The following KLHL14 variants were observed in gnomAD, a reference collection of about 807,000 sequenced individuals.
The protein encoded by KLHL14 is kelch like family member 14, also known as kelch-like protein 14.
Under a neutral mutation model 64.3 loss-of-function variants are expected in KLHL14, and 22 were observed. The ratio of observed to expected loss-of-function variants is 0.34; its 90% CI spans 0.24 to 0.49. KLHL14 has a LOEUF of 0.49. Ranked by LOEUF, KLHL14 falls within the 20% of genes least tolerant of loss-of-function variation. The pLI, the probability that KLHL14 is intolerant of heterozygous loss-of-function variation, is 0.99. For missense variants in KLHL14, 661 were observed against 789.0 expected (o/e 0.84, Z 1.94); for synonymous variants, 322 against 333.4 (o/e 0.97, Z 0.37).
intron 3 of KLHL14, among the ~76,000 whole-genome samples, chr18:32,741,204 C>T (rs2050195291): frequency 6.6e-6 from 1 of 152,156 alleles, no homozygotes; most frequent in South Asian, 2.1e-4. Flanking sequence ...GACTGGTGCA[C>T]ACAGCCTGCT....
chr18:32,770,479 G>A lies in KLHL14; in HGVS notation c.113C>T (p.Thr38Met), dbSNP rs1220621644. ...RKQLFCDVTL[T>M]AQGQQFHCHK... ...GCAATGGAACTGCTGGCCCTGGGCC[G>A]TCAGGGTCACGTCGCAAAACAGCTG... Residue 38 changes from threonine (T) to methionine (M), a missense_variant, in exon 2 of 9, where the codon ACG (threonine) becomes ATG (methionine). Coordinates refer to ENST00000359358, the MANE Select transcript of KLHL14 (RefSeq NM_020805.3). This position sits in a 1 kb window ranked among gnomAD's most constrained non-coding sequence, Gnocchi z 6.7. 1.9e-6 allele frequency: 3 copies of A among 1,612,266 alleles called. No homozygotes were observed. Among genetic ancestry groups the A allele is most frequent in the Non-Finnish European group, 1.7e-6 (2 of 1,179,896 alleles).
Position 32,674,331 on chromosome 18 carries a change from T to A in KLHL14, c.*326A>T. The A allele has an allele frequency of 4.2e-6, 1 of 238,740 alleles. No homozygotes were observed. The highest frequency in any genetic ancestry group is 8.3e-6 in the Non-Finnish European group (1 of 120,794). The allele number at this position is 238,740 out of a possible 1,614,324, so 14.8% of individuals were successfully genotyped here. On this transcript the variant is annotated 3_prime_UTR_variant, in exon 9 of 9. Transcript: ENST00000359358. ...CAATGCACAATACTGATCTGAGGTCTCTCTGGGGCCAGTCTTCTGTATTTT... is the reference window on the plus strand; with the variant it reads ...CAATGCACAATACTGATCTGAGGTCACTCTGGGGCCAGTCTTCTGTATTTT...
intron 4 of KLHL14, among the ~76,000 whole-genome samples, chr18:32,687,744 G>A (rs1449146269): frequency 6.6e-6 from 1 of 152,044 alleles, no homozygotes; most frequent in Non-Finnish European, 1.5e-5. Context: ...GAAGTTTTAG[G>A]TTCACAGCCA....
chr18:32,770,532 C>A lies in KLHL14; in HGVS notation c.60G>T (p.Leu20=). The change falls in exon 2 of 9, where the codon CTG becomes CTT. Residue 20 remains leucine, a synonymous_variant. Coordinates refer to ENST00000359358, the MANE Select transcript of KLHL14 (RefSeq NM_020805.3). The surrounding 1 kb of genome is among the most constrained non-coding windows in gnomAD (Gnocchi z 6.7). ...TCCTCCACAGCAGGTTGAGGCCGTG[C>A]AGCAGGTTGTCGCTGTGGCTGGGGT... The part of the protein sequence containing the change: ...TFDPSHSDNL[L]HGLNLLWRKQ... 1.2e-6 allele frequency: 2 copies of A among 1,607,196 alleles called. No homozygotes were observed. The highest frequency in any genetic ancestry group is 1.7e-6 in the Non-Finnish European group (2 of 1,178,966).
chr18:32,742,164 T>G, intron 2 of KLHL14, 115 bp from the exon 3 acceptor site: 1 of 1,264,692 alleles, frequency 7.9e-7, no homozygotes, highest in Non-Finnish European at 1.1e-6. Context: ...CTGTTTCATT[T>G]TTTCCTGTTT....
chr18:32,753,772 C>T (rs1170637708), intron 2 of KLHL14, among the ~76,000 whole-genome samples: 1 of 152,352 alleles, frequency 6.6e-6, no homozygotes, highest in Non-Finnish European at 1.5e-5. Context: ...TGCATTTCCC[C>T]CTCCTTCTCC....
rs545105353 is a variant in KLHL14 at position 32,692,234 on chromosome 18, ATATAAT to A, written c.1159+3223_1159+3228del. 2.2e-4 allele frequency among the ~76,000 whole-genome samples: 34 copies of A among 152,306 alleles called. No homozygotes were observed. The South Asian group carries it at 4.4e-3, about 19-fold the overall frequency. On this transcript the variant is annotated intron_variant, in intron 4 of 8. Transcript: ENST00000359358. ...GTGGTCATCAATAGATCATCAATAG[ATATAAT>A]TATATTTATTTCAATGAGTACATGT...
At position 32,674,567 on chromosome 18, in the gene KLHL14, C is replaced by G. The variant is rs1391632334; in HGVS notation, c.*90G>C. On this transcript the variant is annotated 3_prime_UTR_variant, in exon 9 of 9. Transcript: ENST00000359358. ...CAAGGGTGGGTTTTGGCAGTTGTAC[C>G]ATTAGAATGCATTGTTCCTATTATA... 4.3e-6 allele frequency: 3 copies of G among 697,134 alleles called. No homozygotes were observed. The highest frequency in any genetic ancestry group is 8.0e-6 in the Non-Finnish European group (3 of 375,512). 43.2% of individuals were successfully genotyped at this position (697,134 alleles called of 1,614,324 possible). A position where few individuals can be genotyped will look rare whatever the true frequency, so the allele number is the denominator to read the frequency against.
intron 2 of KLHL14, among the ~76,000 whole-genome samples, chr18:32,765,805 T>C (rs2050339828): frequency 6.6e-6 from 1 of 152,160 alleles, no homozygotes; most frequent in African/African-American, 2.4e-5. Context: ...AGATAATTAG[T>C]ACCCTTGATG....
rs77567650 is a variant in KLHL14, at chr18:32,682,806, A to T, written c.1239-2207T>A. 6.6e-3 allele frequency among the ~76,000 whole-genome samples: 1,006 copies of T among 152,316 alleles called. 5 individuals are homozygous for T. Among genetic ancestry groups the T allele is most frequent in the Non-Finnish European group, 0.011 (766 of 68,020 alleles). On this transcript the variant is annotated intron_variant, in intron 5 of 8. Transcript: ENST00000359358. The stretch of plus-strand genomic sequence containing the variant: ...AAAAGACTGACACATATCTACAAAA[A>T]TCCATCCTAAAGTAAAACATATTTT...
At chr18:32,742,889 A>G (rs1033361833) in intron 2 of KLHL14, 2 of 152,340 alleles carry the variant, frequency 1.3e-5, no homozygotes, top group African/African-American at 2.4e-5. Flanking sequence ...CCACCCATCA[A>G]GAGCTGGCAA....
At chr18:32,758,960 T>C (rs1401150147) in intron 2 of KLHL14, among the ~76,000 whole-genome samples, 1 of 152,160 alleles carries the variant, frequency 6.6e-6, no homozygotes, top group African/African-American at 2.4e-5. Flanking sequence ...GGTGAGGGAA[T>C]GATTGGTGAT....
intron 2 of KLHL14, among the ~76,000 whole-genome samples, chr18:32,757,041 C>T (rs971523133): frequency 1.3e-5 from 2 of 152,190 alleles, no homozygotes; most frequent in African/African-American, 2.4e-5. Flanking sequence ...GTCATAGTGG[C>T]TCAGTCTTCT....
Position 32,770,037 on chromosome 18 carries a change from G to A in KLHL14, c.555C>T (p.Asn185=). The A allele has an allele frequency of 6.2e-7, 1 of 1,614,230 alleles. No individual in the cohort carries two copies. ...CGGCGATCTTGCACACCTGCTTGTA[G>A]TTCTGCACCGAGATCTGGTCGTTGA... ...QFLNDQISVQ[N]YKQVCKIAAL... The change falls in exon 2 of 9, where the codon AAC becomes AAT. Residue 185 remains asparagine (N), a synonymous_variant. Coordinates refer to ENST00000359358, the MANE Select transcript of KLHL14 (RefSeq NM_020805.3). This position sits in a 1 kb window ranked among gnomAD's most constrained non-coding sequence, Gnocchi z 6.7.
chr18:32,719,777 G>A (rs1234171685), intron 3 of KLHL14, among the ~76,000 whole-genome samples: 1 of 152,206 alleles, frequency 6.6e-6, no homozygotes, highest in African/African-American at 2.4e-5. Flanking sequence ...GTACTTATGG[G>A]CAGGGAGCTG....
At chr18:32,756,806 G>T (rs1201947430) in intron 2 of KLHL14, among the ~76,000 whole-genome samples, 2 of 152,154 alleles carry the variant, frequency 1.3e-5, no homozygotes, top group African/African-American at 4.8e-5. Context: ...TGACTGTCTA[G>T]AATTAGATAC....
At chr18:32,740,801 C>T (rs2050192515) in intron 3 of KLHL14, 5 of 152,124 alleles carry the variant, frequency 3.3e-5, no homozygotes, top group Admixed American at 3.3e-4. Context: ...GCATTGGTGT[C>T]CAGGGAGCTT....
At chr18:32,687,935 G>T (rs559078850) in intron 4 of KLHL14, among the ~76,000 whole-genome samples, 1 of 152,104 alleles carries the variant, frequency 6.6e-6, no homozygotes, top group African/African-American at 2.4e-5. Context: ...TGTGTATTTG[G>T]GGGGAGCACA....
intron 3 of KLHL14, among the ~76,000 whole-genome samples, chr18:32,725,369 G>A (rs2050103279): frequency 1.3e-5 from 2 of 152,124 alleles, no homozygotes; most frequent in African/African-American, 4.8e-5. Context: ...TGCATATGGA[G>A]TAATCAAATA....
Sources: gnomAD v4.1 joint callset for allele counts (sites outside exome capture counted in the v4.1 genomes callset) on GRCh38, gnomAD v4.1.1 for gene constraint, Gnocchi (gnomAD v3.1) non-coding constraint, MANE v1.5 for transcripts, NCBI Gene and HGNC (gene_info 2026-07-23, HGNC 2026-07-21) for gene names.